SOX6: variants seen among roughly 807,000 people sequenced by gnomAD.
SOX6 encodes the protein SRY-box transcription factor 6, also known as transcription factor SOX-6.
In SOX6, 11 loss-of-function variants were observed where a neutral mutation model predicts 97.8. That is an observed-to-expected ratio of 0.11 (90% confidence interval 0.07 to 0.19). SOX6 has a LOEUF of 0.19. SOX6 is among the 10% of genes least tolerant of loss of function. SOX6 has a pLI of 1.00. For synonymous variants in SOX6, 360 were observed against 371.4 expected (o/e 0.97, Z 0.35); for missense variants, 810 against 1,039.5 (o/e 0.78, Z 3.04).
At chr11:16,211,459 T>TAAA (rs72109927) in intron 4 of SOX6, among the ~76,000 whole-genome samples, 186 of 149,878 alleles carry the variant, frequency 1.2e-3, no homozygotes, top group East Asian at 0.011. Context: ...AGAGTTAAAT[T>TAAA]AAAAAAAAAA....
intron 3 of SOX6, among the ~76,000 whole-genome samples, chr11:16,260,344 C>A (rs1166070144): frequency 1.3e-5 from 2 of 152,092 alleles, no homozygotes; most frequent in Non-Finnish European, 2.9e-5. Flanking sequence ...TCTTTATTTA[C>A]ACAAATCCTT....
rs150782773 is a variant in SOX6 at position 16,456,535 on chromosome 11, G to C, written c.-5+19780C>G. On this transcript the variant is annotated intron_variant, in intron 1 of 15. Transcript: ENST00000396356. The stretch of plus-strand genomic sequence containing the variant: ...GTCTGTAGTGAAAGGAGCAGATGAA[G>C]TCAGGTGACACCTCATGCCAGATCC... Among the ~76,000 whole-genome samples the C allele has an allele frequency of 5.8e-3, 883 of 152,248 alleles. 12 individuals carry two copies. The highest frequency in any genetic ancestry group is 0.019 in the African/African-American group (792 of 41,560).
chr11:16,554,709 TCTG>T (rs1006138711), intron 4 of SOX6, among the ~76,000 whole-genome samples: 1 of 152,128 alleles, frequency 6.6e-6, no homozygotes, highest in African/African-American at 2.4e-5. Flanking sequence ...CTTTTGTCCT[TCTG>T]CTATTTCTTA....
chr11:16,038,046 A>C (rs553691317), intron 12 of SOX6, among the ~76,000 whole-genome samples: 2 of 152,184 alleles, frequency 1.3e-5, no homozygotes, highest in African/African-American at 4.8e-5. Context: ...AAAAATAACA[A>C]TACAAATAAT....
intron 9 of SOX6, among the ~76,000 whole-genome samples, chr11:16,092,017 G>A (rs557896331): frequency 8.6e-5 from 13 of 151,982 alleles, no homozygotes; most frequent in Admixed American, 2.0e-4. Context: ...TCAGAGAAGT[G>A]AGCAATCTGT....
chr11:16,543,546 T>G (rs1205335758), intron 4 of SOX6, among the ~76,000 whole-genome samples: 2 of 152,038 alleles, frequency 1.3e-5, no homozygotes, highest in African/African-American at 4.8e-5. Context: ...GCAAATCATA[T>G]CTAAGTAGGG....
intron 4 of SOX6, among the ~76,000 whole-genome samples, chr11:16,592,504 T>G (rs1848165461): frequency 6.6e-6 from 1 of 151,900 alleles, no homozygotes; most frequent in South Asian, 2.1e-4. Context: ...GTAATATACA[T>G]ATTACTTAAA....
chr11:16,148,103 G>A (rs1047156484), intron 6 of SOX6, among the ~76,000 whole-genome samples: 4 of 152,162 alleles, frequency 2.6e-5, no homozygotes, highest in African/African-American at 9.7e-5. Flanking sequence ...GCCTGAGCCT[G>A]CCTTTTAGCT....
intron 1 of SOX6, among the ~76,000 whole-genome samples, chr11:16,345,538 T>C (rs1224372586): frequency 2.0e-5 from 3 of 152,042 alleles, no homozygotes; most frequent in African/African-American, 2.4e-5. Context: ...ATAATTATTT[T>C]ACTCCAAAAC....
intron 1 of SOX6, among the ~76,000 whole-genome samples, chr11:16,451,982 A>AT (rs1225951552): frequency 2.1e-5 from 3 of 143,994 alleles, no homozygotes; most frequent in Admixed American, 7.4e-5. Context: ...GACCCTATCT[A>AT]AAAATAAATA....
chr11:16,198,244 TTTTG>T (rs1851842694), intron 4 of SOX6, among the ~76,000 whole-genome samples: 2 of 148,050 alleles, frequency 1.4e-5, no homozygotes, highest in African/African-American at 5.0e-5. Flanking sequence ...TTTTTTTTTT[TTTTG>T]TATTTTTAGT....
At chr11:16,027,606 G>A (rs2133880217) in intron 12 of SOX6, among the ~76,000 whole-genome samples, 1 of 152,330 alleles carries the variant, frequency 6.6e-6, no homozygotes, top group South Asian at 2.1e-4. Flanking sequence ...GAAGCAGTAA[G>A]TCATGTCTCA....
At chr11:16,540,103 A>G (rs973826892) in intron 4 of SOX6, among the ~76,000 whole-genome samples, 4 of 152,190 alleles carry the variant, frequency 2.6e-5, no homozygotes, top group Non-Finnish European at 4.4e-5. Context: ...CCAGCAGCAC[A>G]TGAAAAAGCT....
intron 3 of SOX6, among the ~76,000 whole-genome samples, chr11:16,655,317 T>C (rs1199749270): frequency 6.6e-6 from 1 of 152,130 alleles, no homozygotes; most frequent in Non-Finnish European, 1.5e-5. Context: ...TTCCTAGCAT[T>C]CCACCCAGAA....
intron 4 of SOX6, among the ~76,000 whole-genome samples, chr11:16,190,277 C>T (rs1851592666): frequency 6.6e-6 from 1 of 152,172 alleles, no homozygotes. Context: ...TTTAAACACT[C>T]ATATAAGGCT....
chr11:16,344,247 T>G (rs1363045897), intron 1 of SOX6, among the ~76,000 whole-genome samples: 1 of 151,786 alleles, frequency 6.6e-6, no homozygotes, highest in Non-Finnish European at 1.5e-5. Context: ...CATTTGGTCT[T>G]GTTGTTGATT....
chr11:16,118,946 T>C (rs1849421131), intron 6 of SOX6, among the ~76,000 whole-genome samples: 1 of 152,114 alleles, frequency 6.6e-6, no homozygotes, highest in South Asian at 2.1e-4. Flanking sequence ...AATGTGTGTA[T>C]ACCATGACAG....
In SOX6 at chr11:16,363,261, G is replaced by A. The variant is rs117229602; in HGVS notation, c.-4-22009C>T. ...AGCATAATGCTTAGCACTCAATAAA[G>A]GTTTTTGAGTAAATGGAGAAAACTT... On this transcript the variant is annotated intron_variant, in intron 1 of 15. Transcript: ENST00000396356. Among the ~76,000 whole-genome samples the A allele has an allele frequency of 2.5e-3, 387 of 152,182 alleles. 8 individuals are homozygous for A. In the East Asian group the frequency reaches 0.038, roughly 15 times the overall value.
chr11:16,548,430 A>C (rs1327893764), intron 4 of SOX6, among the ~76,000 whole-genome samples: 1 of 152,156 alleles, frequency 6.6e-6, no homozygotes, highest in East Asian at 1.9e-4. Flanking sequence ...GGAGCTCCAT[A>C]GGCAAAACAA....
Sources: gnomAD v4.1 joint callset for allele counts (sites outside exome capture counted in the v4.1 genomes callset) on GRCh38, gnomAD v4.1.1 for gene constraint, MANE v1.5 for transcripts, NCBI Gene and HGNC (gene_info 2026-07-23, HGNC 2026-07-21) for gene names.